DPP10: variants seen among roughly 807,000 people sequenced by gnomAD.
DPP10 encodes the protein inactive dipeptidyl peptidase 10.
A neutral mutation model predicts 120.9 loss-of-function variants in DPP10; 33 were observed. That is an observed-to-expected ratio of 0.27 (90% confidence interval 0.21 to 0.37). DPP10 has a LOEUF of 0.37. Ranked by LOEUF, DPP10 falls within the 10% of genes least tolerant of loss-of-function variation. The probability of loss-of-function intolerance (pLI) is 1.00; values close to 1 mark genes in which losing one functional copy is unlikely to be tolerated. For synonymous variants in DPP10, 337 were observed against 326.1 expected, an observed-to-expected ratio of 1.03 and a Z score of -0.36; for missense variants, 816 against 942.8, an observed-to-expected ratio of 0.87 and a Z score of 1.76.
chr2:115,351,514 A>G (rs72957740), intron 3 of DPP10, among the ~76,000 whole-genome samples: 2,375 of 152,182 alleles, frequency 0.016, 59 homozygotes, highest in African/African-American at 0.054. Flanking sequence ...ATACCCCCAA[A>G]TCTAAAATAA....
intron 1 of DPP10, among the ~76,000 whole-genome samples, chr2:114,653,663 T>C (rs1341357105): frequency 6.6e-6 from 1 of 152,166 alleles, no homozygotes; most frequent in African/African-American, 2.4e-5. Context: ...TTCAATAAGA[T>C]AGAGCCTTTC....
chr2:114,717,286 C>G (rs1042117504), intron 1 of DPP10, among the ~76,000 whole-genome samples: 1 of 152,210 alleles, frequency 6.6e-6, no homozygotes, highest in Non-Finnish European at 1.5e-5. Context: ...TGCGAATTCT[C>G]AGAGACTGTT....
intron 12 of DPP10, among the ~76,000 whole-genome samples, chr2:115,763,003 C>T (rs1199224873): frequency 6.6e-6 from 1 of 152,162 alleles, no homozygotes; most frequent in Non-Finnish European, 1.5e-5. Context: ...AAATACTTCT[C>T]TTCTTAGTTG....
intron 1 of DPP10, among the ~76,000 whole-genome samples, chr2:115,031,658 A>G (rs1214011047): frequency 6.6e-6 from 1 of 152,182 alleles, no homozygotes; most frequent in African/African-American, 2.4e-5. Context: ...CAATAATTTC[A>G]TGGACAGGTA....
At chr2:114,761,343 G>A (rs1288278544) in intron 1 of DPP10, among the ~76,000 whole-genome samples, 1 of 152,130 alleles carries the variant, frequency 6.6e-6, no homozygotes, top group Admixed American at 6.5e-5. Flanking sequence ...TTTCTATAAA[G>A]TCTGAGTCTT....
intron 1 of DPP10, among the ~76,000 whole-genome samples, chr2:115,239,809 G>A (rs1049893496): frequency 2.6e-5 from 4 of 152,094 alleles, no homozygotes; most frequent in Admixed American, 1.3e-4. Flanking sequence ...GTGTCCATGC[G>A]TTCTCATTGT....
At chr2:115,494,825 G>A (rs2076308759) in intron 3 of DPP10, among the ~76,000 whole-genome samples, 1 of 152,062 alleles carries the variant, frequency 6.6e-6, no homozygotes, top group Admixed American at 6.6e-5. Context: ...TCAGAGAACT[G>A]ATTTGCCAGA....
intron 1 of DPP10, among the ~76,000 whole-genome samples, chr2:115,208,645 T>G (rs2056313963): frequency 6.6e-6 from 1 of 152,130 alleles, no homozygotes; most frequent in African/African-American, 2.4e-5. Flanking sequence ...TTCCAGGGAC[T>G]GTAGCAGGTG....
chr2:115,247,610 G>A (rs2058590168), intron 1 of DPP10, among the ~76,000 whole-genome samples: 1 of 152,082 alleles, frequency 6.6e-6, no homozygotes, highest in Non-Finnish European at 1.5e-5. Context: ...ACCTGAGAAA[G>A]GGATCATTAC....
chr2:115,767,331 C>T (rs1680882397), intron 12 of DPP10, among the ~76,000 whole-genome samples: 2 of 152,050 alleles, frequency 1.3e-5, no homozygotes, highest in African/African-American at 2.4e-5. Context: ...ACTCAGGACC[C>T]ATATCAAAGC....
At chr2:114,978,548 C>G (rs4519525) in intron 1 of DPP10, among the ~76,000 whole-genome samples, 150,246 of 152,262 alleles carry the variant, frequency 0.99, 74,155 homozygotes, top group Non-Finnish European at 1. Context: ...TCTCCAGTAA[C>G]AGACAAGACA....
At chr2:115,323,770 G>C (rs192931863) in intron 2 of DPP10, among the ~76,000 whole-genome samples, 1 of 152,256 alleles carries the variant, frequency 6.6e-6, no homozygotes, top group African/African-American at 2.4e-5. Flanking sequence ...AATGAGCAGT[G>C]ATATTTTAAA....
chr2:114,886,832 AG>A, intron 1 of DPP10, among the ~76,000 whole-genome samples: 1 of 152,150 alleles, frequency 6.6e-6, no homozygotes, highest in East Asian at 1.9e-4. Context: ...TACCTGGAAA[AG>A]TCATTCAGTT....
At chr2:114,643,662 G>T (rs1052050250) in intron 1 of DPP10, among the ~76,000 whole-genome samples, 1 of 151,728 alleles carries the variant, frequency 6.6e-6, no homozygotes, top group Non-Finnish European at 1.5e-5. Flanking sequence ...TTTAGAAGGG[G>T]TTGCTGTAGT....
chr2:114,564,229 T>G (rs1000358921), intron 1 of DPP10, among the ~76,000 whole-genome samples: 5 of 152,182 alleles, frequency 3.3e-5, no homozygotes, highest in Non-Finnish European at 7.3e-5. Flanking sequence ...AAGCATAAAT[T>G]TTTTGGTTTG....
chr2:115,841,581 CAGG>C (rs1690150908), intron 25 of DPP10, among the ~76,000 whole-genome samples: 1 of 152,152 alleles, frequency 6.6e-6, no homozygotes, highest in Non-Finnish European at 1.5e-5. Context: ...AAACAAATGT[CAGG>C]TCATTCCATA....
chr2:115,026,962 A>G (rs1283312209), intron 1 of DPP10, among the ~76,000 whole-genome samples: 10 of 152,106 alleles, frequency 6.6e-5, no homozygotes, highest in Non-Finnish European at 1.5e-4. Context: ...AGCTTGGAAT[A>G]TTTTTTAAAT....
chr2:114,959,086 T>C (rs1191632684), intron 1 of DPP10, among the ~76,000 whole-genome samples: 1 of 152,134 alleles, frequency 6.6e-6, no homozygotes, highest in Non-Finnish European at 1.5e-5. Context: ...TGAGATGGAG[T>C]CTTGCTCTGT....
At chr2:115,324,275 C>CA (rs1559422223) in intron 2 of DPP10, among the ~76,000 whole-genome samples, 1 of 151,896 alleles carries the variant, frequency 6.6e-6, no homozygotes, top group East Asian at 1.9e-4. Context: ...CACTCCGTCT[C>CA]AAAAAAAGGA....
Sources: gnomAD v4.1 joint callset for allele counts (sites outside exome capture counted in the v4.1 genomes callset) on GRCh38, gnomAD v4.1.1 for gene constraint, MANE v1.5 for transcripts, NCBI Gene and HGNC (gene_info 2026-07-23, HGNC 2026-07-21) for gene names.